Variants in MED13 observed in about 807,000 individuals in gnomAD.
MED13 encodes mediator of RNA polymerase II transcription subunit 13.
A neutral mutation model predicts 225.2 loss-of-function variants in MED13; 23 were observed. The observed-to-expected ratio is 0.10, with a 90% CI of 0.07 to 0.14. The LOEUF is 0.14. Among genes scored for constraint, MED13 ranks in the 10% least tolerant of loss-of-function variants. MED13 has a pLI of 1.00. For missense variants in MED13, 2,197 were observed against 2,594.5 expected (o/e 0.85, Z 3.33); for synonymous variants, 942 against 889.2 (o/e 1.06, Z -1.06).
At chr17:61,968,499 G>T (rs1236411120) in intron 17 of MED13, among the ~76,000 whole-genome samples, 1 of 152,000 alleles carries the variant, frequency 6.6e-6, no homozygotes, top group Non-Finnish European at 1.5e-5. Context: ...CTAATTTTTT[G>T]TATTTTTTAG....
intron 28 of MED13, 102 bp from the exon 29 acceptor site, chr17:61,947,119 C>A: frequency 8.3e-6 from 6 of 720,802 alleles, no homozygotes; most frequent in Non-Finnish European, 9.4e-6. Context: ...TGATGAAATA[C>A]ATTTTAGTCC....
intron 9 of MED13, among the ~76,000 whole-genome samples, chr17:62,008,146 G>A (rs994245259): frequency 4.7e-5 from 7 of 150,056 alleles, no homozygotes; most frequent in Admixed American, 4.0e-4. Flanking sequence ...TGAAACCCCC[G>A]TCTCTACTAA....
chr17:61,985,132 A>T, intron 12 of MED13, 42 bp from the exon 13 acceptor site: 1 of 1,484,594 alleles, frequency 6.7e-7, no homozygotes, highest in South Asian at 1.2e-5. Flanking sequence ...TTTTACATCC[A>T]ATGTGATCTC....
intron 16 of MED13, among the ~76,000 whole-genome samples, chr17:61,976,373 T>C (rs1295237977): frequency 6.6e-6 from 1 of 151,988 alleles, no homozygotes; most frequent in African/African-American, 2.4e-5. Context: ...AGACAGAAAA[T>C]AGACTTAGTG....
At chr17:61,970,856 C>T (rs908794291) in intron 17 of MED13, among the ~76,000 whole-genome samples, 1 of 150,862 alleles carries the variant, frequency 6.6e-6, no homozygotes, top group African/African-American at 2.4e-5. Context: ...AAAACCTCAT[C>T]TCTACAAAAT....
chr17:61,944,146 A>T lies in MED13; in HGVS notation c.*2322T>A, dbSNP rs1223191495. 1.3e-5 allele frequency: 2 copies of T among 152,626 alleles called. No individual in the cohort carries two copies. The highest frequency in any genetic ancestry group is 6.5e-5 in the Admixed American group (1 of 15,280). 9.5% of individuals were successfully genotyped at this position (152,626 alleles called of 1,614,324 possible). On this transcript the variant is annotated 3_prime_UTR_variant, in exon 30 of 30. Transcript: ENST00000397786. ...GAACTATTCCCTGATTCCCAAATAA[A>T]AAATAATTGTGTACTGGGTTCCCTC... is the stretch of plus-strand genomic sequence containing the variant.
chr17:61,976,423 G>C (rs1006209993), intron 16 of MED13, among the ~76,000 whole-genome samples: 1 of 152,168 alleles, frequency 6.6e-6, no homozygotes, highest in African/African-American at 2.4e-5. Flanking sequence ...CGGAAAAAGG[G>C]AGTGACTGCT....
chr17:62,002,362 G>A (rs1210077280), intron 9 of MED13, among the ~76,000 whole-genome samples: 1 of 151,874 alleles, frequency 6.6e-6, no homozygotes. Context: ...GGTGGCACAC[G>A]CCTGTAATCC....
intron 2 of MED13, among the ~76,000 whole-genome samples, chr17:62,058,673 A>G (rs1168336139): frequency 6.6e-6 from 1 of 152,196 alleles, no homozygotes; most frequent in Non-Finnish European, 1.5e-5. Flanking sequence ...TAAGAAAATC[A>G]TCTATGTTTG....
Position 62,031,636 on chromosome 17 carries a change from C to G in MED13, c.817G>C (p.Gly273Arg). The change falls in exon 6 of 30, where the codon GGT (glycine) becomes CGT (arginine). Residue 273 changes from glycine to arginine, a missense_variant and splice_region_variant. Coordinates refer to ENST00000397786, the MANE Select transcript of MED13 (RefSeq NM_005121.3). ...SLAAVEVLVAGVRMIYPACFV... is the reference protein window; with the variant it reads ...SLAAVEVLVARVRMIYPACFV... ...CATGCTGGGTAGATCATTCGGACAC[C>G]AGCTGAAAGGAAAAAAATGGGACAG... is the stretch of plus-strand genomic sequence containing the variant. The G allele has an allele frequency of 6.5e-7, 1 of 1,539,256 alleles. No homozygotes were observed. Among genetic ancestry groups the G allele is most frequent in the Non-Finnish European group, 8.8e-7 (1 of 1,141,404 alleles).
intron 8 of MED13, among the ~76,000 whole-genome samples, chr17:62,028,302 A>G (rs2080721830): frequency 6.6e-6 from 1 of 152,184 alleles, no homozygotes; most frequent in Non-Finnish European, 1.5e-5. Context: ...ACAGAAAGCC[A>G]ATTACTGCCT....
At chr17:61,994,731 A>G (rs1308742904) in intron 10 of MED13, among the ~76,000 whole-genome samples, 5 of 152,182 alleles carry the variant, frequency 3.3e-5, no homozygotes, top group Non-Finnish European at 7.3e-5. Context: ...TCTTTTTGAG[A>G]CGGAGTCTCG....
intron 27 of MED13, among the ~76,000 whole-genome samples, chr17:61,951,386 T>C (rs1006815215): frequency 1.3e-5 from 2 of 152,206 alleles, no homozygotes; most frequent in African/African-American, 4.8e-5. Context: ...TTTAGCTTTG[T>C]TAATCTAGCA....
chr17:62,005,505 T>G (rs1439008052), intron 9 of MED13: 1 of 152,138 alleles, frequency 6.6e-6, no homozygotes, highest in African/African-American at 2.4e-5. Flanking sequence ...ATTCTGGAGG[T>G]TGAGGCACAA....
At chr17:61,969,292 C>A (rs540084824) in intron 17 of MED13, among the ~76,000 whole-genome samples, 1 of 151,930 alleles carries the variant, frequency 6.6e-6, no homozygotes, top group East Asian at 1.9e-4. Context: ...GTGGAGGTTG[C>A]GGTGAGCTGA....
chr17:61,991,788 G>A (rs2080301542), intron 11 of MED13, among the ~76,000 whole-genome samples: 1 of 152,146 alleles, frequency 6.6e-6, no homozygotes, highest in Non-Finnish European at 1.5e-5. Context: ...GATTACAGGT[G>A]TGAGCCACTG....
At chr17:62,010,483 T>C (rs780157042) in intron 9 of MED13, 67 bp downstream of exon 9, 9 of 976,518 alleles carry the variant, frequency 9.2e-6, no homozygotes, top group Non-Finnish European at 1.3e-5. Context: ...TACTGAGTCC[T>C]AGTATTAAGA....
intron 4 of MED13, among the ~76,000 whole-genome samples, 167 bp from the exon 5 acceptor site, chr17:62,034,151 T>A (rs769024065): frequency 2.6e-5 from 4 of 152,202 alleles, no homozygotes; most frequent in Non-Finnish European, 4.4e-5. Flanking sequence ...ACTGTGAAGA[T>A]AAAGTATGAC....
intron 8 of MED13, among the ~76,000 whole-genome samples, chr17:62,024,473 T>C (rs542314810): frequency 2.0e-5 from 3 of 152,310 alleles, no homozygotes; most frequent in Admixed American, 2.0e-4. Flanking sequence ...AAGTCTAGTT[T>C]AGGAACTAAA....
Sources: allele counts gnomAD v4.1 joint callset (sites outside exome capture counted in the v4.1 genomes callset), GRCh38; gene constraint gnomAD v4.1.1; transcripts MANE v1.5; gene names NCBI Gene and HGNC (gene_info 2026-07-23, HGNC 2026-07-21).